DOCK1: variants seen among roughly 807,000 people sequenced by gnomAD.
The protein encoded by DOCK1 is dedicator of cytokinesis protein 1.
DOCK1 carries 138 observed loss-of-function variants against 262.7 expected under a neutral mutation model. The observed-to-expected ratio is 0.53, with a 90% confidence interval of 0.46 to 0.61. The LOEUF (loss-of-function observed/expected upper bound fraction) is 0.61, where lower values mean the gene tolerates loss of function less well. Ranked by LOEUF, DOCK1 falls within the 20% of genes least tolerant of loss-of-function variation. DOCK1 has a pLI of 0.00. For missense variants in DOCK1, 1,908 were observed against 2,370.7 expected (o/e 0.80, Z 4.05); for synonymous variants, 866 against 867.4 (o/e 1.00, Z 0.03).
intron 29 of DOCK1, among the ~76,000 whole-genome samples, chr10:127,321,199 C>CT (rs1200120204): frequency 6.7e-6 from 1 of 149,378 alleles, no homozygotes; most frequent in African/African-American, 2.5e-5. Flanking sequence ...CCCTCTCGCT[C>CT]TATCTCTCTC....
intron 13 of DOCK1, among the ~76,000 whole-genome samples, chr10:127,022,238 G>T (rs771663968): frequency 2.6e-5 from 4 of 152,028 alleles, no homozygotes; most frequent in Non-Finnish European, 5.9e-5. Flanking sequence ...ATAGCTGCCT[G>T]CCAGAAGGGA....
chr10:127,143,003 G>T (rs916553886), intron 27 of DOCK1, among the ~76,000 whole-genome samples: 5 of 152,250 alleles, frequency 3.3e-5, no homozygotes, highest in African/African-American at 9.6e-5. Flanking sequence ...ACTGTGCTAG[G>T]CTTTGTAGTA....
intron 33 of DOCK1, among the ~76,000 whole-genome samples, chr10:127,373,551 G>T (rs1299584629): frequency 6.6e-6 from 1 of 151,872 alleles, no homozygotes; most frequent in Non-Finnish European, 1.5e-5. Flanking sequence ...ATCAGGACGT[G>T]CAGGTTCAGG....
Position 126,995,507 on chromosome 10 carries a change from G to T in DOCK1, c.474-1241G>T, listed in dbSNP as rs1225819404. 1.3e-5 allele frequency among the ~76,000 whole-genome samples: 2 copies of T among 152,172 alleles called. No individual in the cohort carries two copies. Among genetic ancestry groups the T allele is most frequent in the Non-Finnish European group, 2.9e-5 (2 of 68,048 alleles). Reference sequence around the variant, plus strand: ...ATACGAAAACCAGTCAGGTGTGGCGGCGCGCGCCTGCAATCCCAGGCACTC... The same window carrying T: ...ATACGAAAACCAGTCAGGTGTGGCGTCGCGCGCCTGCAATCCCAGGCACTC... On this transcript the variant is annotated intron_variant, in intron 6 of 51. Coordinates refer to ENST00000623213, the MANE Select transcript of DOCK1 (RefSeq NM_001290223.2). The surrounding 1 kb of genome is among the most constrained non-coding windows in gnomAD (Gnocchi z 5.8).
At chr10:127,434,799 C>T (rs2069557680) in intron 48 of DOCK1, among the ~76,000 whole-genome samples, 1 of 152,126 alleles carries the variant, frequency 6.6e-6, no homozygotes, top group African/African-American at 2.4e-5. Context: ...CCTACAGGCA[C>T]ATGCCACCAT....
At chr10:126,972,477 G>A (rs1434046529) in intron 2 of DOCK1, among the ~76,000 whole-genome samples, 2 of 152,132 alleles carry the variant, frequency 1.3e-5, no homozygotes, top group Non-Finnish European at 2.9e-5. Context: ...GCTTGAAAGG[G>A]TGGTTCCCAT....
intron 29 of DOCK1, among the ~76,000 whole-genome samples, chr10:127,293,902 C>T (rs569712444): frequency 6.6e-6 from 1 of 152,358 alleles, no homozygotes; most frequent in Non-Finnish European, 1.5e-5. Context: ...ATCCACTTCC[C>T]CACCCAACTC....
chr10:127,234,548 A>C (rs1055876102), intron 27 of DOCK1, among the ~76,000 whole-genome samples: 2 of 152,152 alleles, frequency 1.3e-5, no homozygotes, highest in Non-Finnish European at 2.9e-5. Context: ...TGCATGTCTA[A>C]GTGGGAAGGC....
At chr10:127,038,656 C>T (rs2043818671) in intron 19 of DOCK1, among the ~76,000 whole-genome samples, 1 of 152,204 alleles carries the variant, frequency 6.6e-6, no homozygotes, top group African/African-American at 2.4e-5. Flanking sequence ...GGACGCTCTG[C>T]AGCAGTGTCG....
intron 23 of DOCK1, among the ~76,000 whole-genome samples, chr10:127,072,904 C>T (rs2046314861): frequency 6.6e-6 from 1 of 152,296 alleles, no homozygotes; most frequent in South Asian, 2.1e-4. Flanking sequence ...TCCACTGGCT[C>T]TTGTCTGGCT....
chr10:127,137,652 A>C (rs1043279702), intron 27 of DOCK1: 1 of 505,566 alleles, frequency 2.0e-6, no homozygotes, highest in African/African-American at 1.9e-5. Context: ...GCAAGGAGTG[A>C]CACAGAATAC....
intron 11 of DOCK1, 84 bp downstream of exon 11, chr10:127,008,888 A>G: frequency 8.3e-7 from 1 of 1,211,916 alleles, no homozygotes; most frequent in African/African-American, 1.5e-5. Context: ...AATTAAATGG[A>G]TAAACATAAC....
intron 16 of DOCK1, among the ~76,000 whole-genome samples, chr10:127,026,874 A>G (rs1247945963): frequency 6.6e-6 from 1 of 152,224 alleles, no homozygotes; most frequent in African/African-American, 2.4e-5. Context: ...AATACTGACC[A>G]TGGTGCCAAG....
At chr10:127,084,526 C>T (rs990518807) in intron 23 of DOCK1, among the ~76,000 whole-genome samples, 1 of 152,204 alleles carries the variant, frequency 6.6e-6, no homozygotes. Context: ...TTCTGTCCAA[C>T]AAGGCACAAT....
At chr10:127,353,629 G>A (rs192368278) in intron 31 of DOCK1, among the ~76,000 whole-genome samples, 92 of 152,336 alleles carry the variant, frequency 6.0e-4, no homozygotes, top group African/African-American at 2.1e-3. Flanking sequence ...GTAGGGAGTG[G>A]CCTAGGCTCC....
intron 23 of DOCK1, among the ~76,000 whole-genome samples, chr10:127,078,389 G>T (rs1266652608): frequency 6.6e-6 from 1 of 151,988 alleles, no homozygotes; most frequent in African/African-American, 2.4e-5. Flanking sequence ...GGGCAACCTT[G>T]CATCCCAGGA....
intron 1 of DOCK1, among the ~76,000 whole-genome samples, chr10:126,968,091 A>G (rs914841781): frequency 1.3e-5 from 2 of 152,138 alleles, no homozygotes; most frequent in Admixed American, 6.5e-5. Context: ...TAATCCCCCC[A>G]AAGTGTTGAG....
At chr10:126,983,710 A>G (rs1391202455) in intron 4 of DOCK1, among the ~76,000 whole-genome samples, 3 of 152,038 alleles carry the variant, frequency 2.0e-5, no homozygotes, top group Non-Finnish European at 4.4e-5. Context: ...TCTTGCTTGC[A>G]TTGACTCTCG....
At chr10:127,329,324 C>T (rs1219365840) in intron 29 of DOCK1, among the ~76,000 whole-genome samples, 2 of 152,162 alleles carry the variant, frequency 1.3e-5, no homozygotes, top group Non-Finnish European at 2.9e-5. Context: ...GATCATAGGA[C>T]AACAGGAGGA....
Sources: gnomAD v4.1 joint callset for allele counts (sites outside exome capture counted in the v4.1 genomes callset) on GRCh38, gnomAD v4.1.1 for gene constraint, Gnocchi (gnomAD v3.1) non-coding constraint, MANE v1.5 for transcripts, NCBI Gene and HGNC (gene_info 2026-07-23, HGNC 2026-07-21) for gene names.